DARS1: variants seen among roughly 807,000 people sequenced by gnomAD.
The protein encoded by DARS1 is aspartate--tRNA ligase, cytoplasmic.
A neutral mutation model predicts 68.8 loss-of-function variants in DARS1; 51 were observed. The observed-to-expected ratio is 0.74, with a 90% CI of 0.59 to 0.94. The LOEUF (loss-of-function observed/expected upper bound fraction) is 0.94. DARS1 is among the 40% of genes least tolerant of loss of function. The pLI, the probability that DARS1 is intolerant of heterozygous loss-of-function variation, is 0.00. For missense variants in DARS1, 607 were observed against 597.3 expected (o/e 1.02, Z -0.17); for synonymous variants, 203 against 190.4 (o/e 1.07, Z -0.55).
rs66527494 is a variant in DARS1 at position 135,959,391 on chromosome 2, CAAAAAAAAAAAAAAAAAAAAA to C, written c.320+1984_320+2004del. 7.1e-3 allele frequency among the ~76,000 whole-genome samples: 107 copies of C among 15,016 alleles called. 1 individual carries two copies. The highest frequency in any genetic ancestry group is 0.043 in the East Asian group (43 of 1,000). 9.9% of individuals were successfully genotyped at this position (15,016 alleles called of 152,430 possible). On this transcript the variant is annotated intron_variant, in intron 4 of 15. Coordinates refer to ENST00000264161, the MANE Select transcript of DARS1 (RefSeq NM_001349.4). ...GGGCAACAAGAGTGAAACTCCGTCT[CAAAAAAAAAAAAAAAAAAAAA>C]AAAAAAAAAAAAAAAAAAAAGATCG...
Position 135,983,603 on chromosome 2 carries a change from A to C in DARS1, c.67-149T>G, listed in dbSNP as rs115691888. The C allele has an allele frequency of 3.7e-3, 1,990 of 542,984 alleles. 24 individuals are homozygous for C. Among genetic ancestry groups the C allele is most frequent in the African/African-American group, 0.027 (1,403 of 51,518 alleles). 33.6% of individuals were successfully genotyped at this position (542,984 alleles called of 1,614,324 possible). On this transcript the variant is annotated intron_variant, in intron 1 of 15. Coordinates refer to ENST00000264161, the MANE Select transcript of DARS1 (RefSeq NM_001349.4). ...AAAGTCAGTAGTTTCATAATGTGGA[A>C]ATCTCTCATTCATTTACATATGTAC...
Position 135,966,168 on chromosome 2 carries a change from A to T in DARS1, c.218-4670T>A, listed in dbSNP as rs996168150. Among the ~76,000 whole-genome samples, 132 of 141,664 alleles carry T rather than the reference A, an allele frequency of 9.3e-4. 2 individuals carry two copies. The highest frequency in any genetic ancestry group is 2.9e-3 in the African/African-American group (113 of 38,886). The allele number at this position is 141,664 out of a possible 152,430, so 92.9% of individuals were successfully genotyped here. ...GTATATTTTGTCTGTCTGTAAATGT[A>T]TTTTTTTTTTTTTTTCTGCAAGAAC... On this transcript the variant is annotated intron_variant, in intron 3 of 15. Transcript: ENST00000264161.
chr2:135,959,211 G>A (rs139754155), intron 4 of DARS1, among the ~76,000 whole-genome samples: 3,459 of 151,748 alleles, frequency 0.023, 105 homozygotes, highest in African/African-American at 0.068. Context: ...GACCAACATG[G>A]AGAAACCTCG....
intron 7 of DARS1, among the ~76,000 whole-genome samples, chr2:135,929,586 G>A (rs1681298694): frequency 6.6e-6 from 1 of 152,142 alleles, no homozygotes; most frequent in Non-Finnish European, 1.5e-5. Context: ...CCATACTTGG[G>A]AAAACACTGC....
At chr2:135,908,501 A>G (rs949181216) in intron 15 of DARS1, among the ~76,000 whole-genome samples, 1 of 152,202 alleles carries the variant, frequency 6.6e-6, no homozygotes, top group African/African-American at 2.4e-5. Context: ...TGTCTTCCAC[A>G]ATGGTTGAAT....
intron 12 of DARS1, among the ~76,000 whole-genome samples, chr2:135,913,347 GT>G (rs1340024383): frequency 2.0e-5 from 3 of 152,054 alleles, no homozygotes; most frequent in African/African-American, 7.2e-5. Flanking sequence ...TGAGATTTTG[GT>G]AGTTTTCTTC....
At chr2:135,920,408 A>T in intron 10 of DARS1, 45 bp downstream of exon 10, 1 of 1,549,426 alleles carries the variant, frequency 6.5e-7, no homozygotes, top group Non-Finnish European at 8.7e-7. Flanking sequence ...AAAGGGCCCA[A>T]ACATTTGAAA....
At chr2:135,920,356 GAAACTT>G (rs1393069223) in intron 10 of DARS1, 91 bp downstream of exon 10, 2 of 1,460,072 alleles carry the variant, frequency 1.4e-6, no homozygotes, top group Non-Finnish European at 1.8e-6. Flanking sequence ...TATGTTCATA[GAAACTT>G]AAGTTTGTAT....
At position 135,911,399 on chromosome 2, in the gene DARS1, GCT is replaced by G. The variant is rs768678855; in HGVS notation, c.1323_1324del (p.Arg441SerfsTer7). On this transcript the variant is annotated frameshift_variant, in exon 14 of 16. Transcript: ENST00000264161. LOFTEE classifies it high-confidence loss of function. ...TTGTTTACCAATTCCATGATGTAAA[GCT>G]CTCTCTGTTAGCAGTTGAGGATCAT... The G allele has an allele frequency of 6.2e-6, 6 of 972,594 alleles. No individual in the cohort carries two copies. The highest frequency in any genetic ancestry group is 2.6e-5 in the South Asian group (2 of 78,100). 60.2% of individuals were successfully genotyped at this position (972,594 alleles called of 1,614,324 possible). A position where few individuals can be genotyped will look rare whatever the true frequency, so the allele number is the denominator to read the frequency against.
intron 7 of DARS1, among the ~76,000 whole-genome samples, chr2:135,931,960 A>G (rs956154276): frequency 1.8e-4 from 27 of 152,214 alleles, no homozygotes; most frequent in Non-Finnish European, 2.9e-4. Context: ...ATGATGTCTC[A>G]CTCCTGTGGC....
intron 10 of DARS1, among the ~76,000 whole-genome samples, chr2:135,918,760 T>C (rs1457236396): frequency 6.6e-6 from 1 of 152,228 alleles, no homozygotes; most frequent in East Asian, 1.9e-4. Context: ...TCTTGGATTA[T>C]AAATGCGAAC....
intron 3 of DARS1, among the ~76,000 whole-genome samples, chr2:135,973,916 T>C (rs1682442485): frequency 6.6e-6 from 1 of 152,114 alleles, no homozygotes; most frequent in South Asian, 2.1e-4. Context: ...GGATTGTATG[T>C]AACACAAAGA....
intron 3 of DARS1, among the ~76,000 whole-genome samples, chr2:135,976,020 T>G (rs1185696241): frequency 6.6e-6 from 1 of 152,204 alleles, no homozygotes; most frequent in Non-Finnish European, 1.5e-5. Flanking sequence ...TTATACCTGA[T>G]TTAATTCTAT....
chr2:135,955,117 A>C (rs1681942416), intron 4 of DARS1, among the ~76,000 whole-genome samples: 1 of 151,710 alleles, frequency 6.6e-6, no homozygotes, highest in Non-Finnish European at 1.5e-5. Context: ...ATATTTTTCT[A>C]AACTATTTCC....
chr2:135,917,758 T>G (rs77654242), intron 10 of DARS1, among the ~76,000 whole-genome samples: 2,986 of 152,120 alleles, frequency 0.02, 51 homozygotes, highest in Non-Finnish European at 0.028. Context: ...GGATTACAGA[T>G]GTGCACCATG....
At chr2:135,964,714 G>A (rs541599832) in intron 3 of DARS1, among the ~76,000 whole-genome samples, 1 of 151,838 alleles carries the variant, frequency 6.6e-6, no homozygotes, top group South Asian at 2.1e-4. Flanking sequence ...GGTGGCAGGT[G>A]CCTGTAATAC....
chr2:135,977,122 C>T (rs1293285181), intron 3 of DARS1, among the ~76,000 whole-genome samples: 1 of 152,216 alleles, frequency 6.6e-6, no homozygotes, highest in African/African-American at 2.4e-5. Flanking sequence ...AAGTAAGTAA[C>T]TGTCATGCTC....
At chr2:135,933,595 T>C (rs1681401117) in intron 6 of DARS1, among the ~76,000 whole-genome samples, 1 of 152,168 alleles carries the variant, frequency 6.6e-6, no homozygotes, top group Non-Finnish European at 1.5e-5. Flanking sequence ...TAATACTACA[T>C]ATGCAAACAT....
At chr2:135,919,306 C>T (rs1363464244) in intron 10 of DARS1, among the ~76,000 whole-genome samples, 7 of 152,218 alleles carry the variant, frequency 4.6e-5, no homozygotes, top group African/African-American at 1.7e-4. Flanking sequence ...GCTGGGATTA[C>T]AGGCGTGAGC....
Sources: allele counts gnomAD v4.1 joint callset (sites outside exome capture counted in the v4.1 genomes callset), GRCh38; gene constraint gnomAD v4.1.1; transcripts MANE v1.5; gene names NCBI Gene and HGNC (gene_info 2026-07-23, HGNC 2026-07-21).